The following CPLANE1 variants were observed in gnomAD, a reference collection of about 807,000 sequenced individuals.
The protein encoded by CPLANE1 is ciliogenesis and planar polarity effector 1.
A neutral mutation model predicts 362.5 loss-of-function variants in CPLANE1; 263 were observed. The ratio of observed to expected loss-of-function variants is 0.73; its 90% CI spans 0.66 to 0.80. The LOEUF is 0.80. Ranked by LOEUF, CPLANE1 falls within the 30% of genes least tolerant of loss-of-function variation. The probability of loss-of-function intolerance (pLI) is 0.00; values close to 1 mark genes in which losing one functional copy is unlikely to be tolerated. For synonymous variants in CPLANE1, 1,212 were observed against 1,302.6 expected, an observed-to-expected ratio of 0.93 and a Z score of 1.50; for missense variants, 3,461 against 3,793.4, an observed-to-expected ratio of 0.91 and a Z score of 2.30.
At chr5:37,157,564 T>C (rs1775483321) in intron 40 of CPLANE1, 106 bp downstream of exon 40, 6 of 1,140,756 alleles carry the variant, frequency 5.3e-6, no homozygotes, top group Non-Finnish European at 7.7e-6. Flanking sequence ...CATCCAAAAA[T>C]ACAGTGGGTT....
At chr5:37,137,246 C>G (rs1392242380) in intron 46 of CPLANE1, among the ~76,000 whole-genome samples, 2 of 152,198 alleles carry the variant, frequency 1.3e-5, no homozygotes, top group Non-Finnish European at 2.9e-5. Context: ...AGTCTCGTTG[C>G]TAAAACATAA....
chr5:37,203,772 C>T (rs959643188), intron 18 of CPLANE1, among the ~76,000 whole-genome samples: 1 of 152,178 alleles, frequency 6.6e-6, no homozygotes, highest in Non-Finnish European at 1.5e-5. Flanking sequence ...CTGGCCTTAG[C>T]CTCCCAAAGC....
At chr5:37,185,101 G>C in intron 24 of CPLANE1, 22 bp from the exon 25 acceptor site, 1 of 1,571,044 alleles carries the variant, frequency 6.4e-7, no homozygotes, top group Non-Finnish European at 8.6e-7. Context: ...AGAATAAAAA[G>C]TCTTAGTGTT....
Position 37,229,108 on chromosome 5 carries a change from T to C in CPLANE1, c.1122-1291A>G, listed in dbSNP as rs183947693. Among the ~76,000 whole-genome samples the C allele has an allele frequency of 1.6e-4, 24 of 150,462 alleles. 1 individual carries two copies. Among genetic ancestry groups the C allele is most frequent in the Admixed American group, 1.3e-3 (19 of 15,022 alleles). ...GGTGGCGCGCGCCTGCAATTCCAGC[T>C]ACTCAGGAGGCTGAGGCAGAATTTC... is the stretch of plus-strand genomic sequence containing the variant. On this transcript the variant is annotated intron_variant, in intron 9 of 52. Coordinates refer to ENST00000651892, the MANE Select transcript of CPLANE1 (RefSeq NM_001384732.1).
chr5:37,204,122 T>A (rs1025794027), intron 18 of CPLANE1, among the ~76,000 whole-genome samples: 6 of 152,218 alleles, frequency 3.9e-5, no homozygotes, highest in Admixed American at 3.9e-4. Flanking sequence ...GATATTTTAG[T>A]CCCTTCTTTA....
chr5:37,089,277 A>G, the CPLANE1 span, among the ~76,000 whole-genome samples: 1 of 152,200 alleles, frequency 6.6e-6, no homozygotes, highest in Non-Finnish European at 1.5e-5. Context: ...GCTATGATTC[A>G]GAAGGAAGAA....
Position 37,120,313 on chromosome 5 carries a change from T to C in CPLANE1, c.9213A>G (p.Leu3071=), listed in dbSNP as rs915084286. Residue 3071 remains leucine, a synonymous_variant, in exon 50 of 53, where the codon CTA becomes CTG. Coordinates refer to ENST00000651892, the MANE Select transcript of CPLANE1 (RefSeq NM_001384732.1). The part of the protein sequence containing the change: ...RGENQHGHSF[L]INRPGKVKYM... ...ATTTGACTTTTCCAGGTCGATTTAT[T>C]AGAAAACTGTGACCATGTTGATTCT... 6 of 1,590,818 alleles carry C rather than the reference T, an allele frequency of 3.8e-6. No homozygotes were observed. Among genetic ancestry groups the C allele is most frequent in the Non-Finnish European group, 5.1e-6 (6 of 1,172,310 alleles).
At chr5:37,186,669 C>A (rs958923362) in intron 23 of CPLANE1, among the ~76,000 whole-genome samples, 4 of 152,070 alleles carry the variant, frequency 2.6e-5, no homozygotes, top group African/African-American at 9.7e-5. Flanking sequence ...TGCTGATTTC[C>A]ATAGTCGAAT....
downstream of CPLANE1, among the ~76,000 whole-genome samples, chr5:37,105,167 G>T (rs1757498212): frequency 6.6e-6 from 1 of 152,086 alleles, no homozygotes; most frequent in Non-Finnish European, 1.5e-5. Context: ...AGGCATGGTG[G>T]TGCGCACCTG....
At chr5:37,208,406 G>A (rs1254515201) in intron 16 of CPLANE1, among the ~76,000 whole-genome samples, 1 of 152,202 alleles carries the variant, frequency 6.6e-6, no homozygotes, top group Admixed American at 6.5e-5. Context: ...GGCCGGGAGC[G>A]GTGGCTCACG....
At chr5:37,176,195 A>C in intron 30 of CPLANE1, 1 of 438,408 alleles carries the variant, frequency 2.3e-6, no homozygotes, top group Non-Finnish European at 4.0e-6. Context: ...TGGATGACTT[A>C]AAACACCACT....
intron 48 of CPLANE1, among the ~76,000 whole-genome samples, chr5:37,122,154 T>G (rs1468480080): frequency 1.3e-5 from 2 of 152,188 alleles, no homozygotes; most frequent in East Asian, 3.8e-4. Context: ...TTATGGTCTC[T>G]GGAGTATTTC....
At chr5:37,161,870 T>C (rs74683790) in intron 38 of CPLANE1, among the ~76,000 whole-genome samples, 2,430 of 152,276 alleles carry the variant, frequency 0.016, 24 homozygotes, top group Non-Finnish European at 0.026. Flanking sequence ...AAACATAAGA[T>C]AAAGTTAGGC....
intron 46 of CPLANE1, among the ~76,000 whole-genome samples, chr5:37,128,156 G>A (rs1764756360): frequency 6.6e-6 from 1 of 152,072 alleles, no homozygotes; most frequent in Non-Finnish European, 1.5e-5. Flanking sequence ...TTTGAGATTG[G>A]GTTATGAGAC....
At chr5:37,115,456 T>C (rs924706311) in intron 50 of CPLANE1, among the ~76,000 whole-genome samples, 2 of 152,182 alleles carry the variant, frequency 1.3e-5, no homozygotes, top group African/African-American at 4.8e-5. Flanking sequence ...TTTACTTCCA[T>C]GTTATGCAAT....
At chr5:37,146,850 T>C (rs1211982892) in intron 43 of CPLANE1, among the ~76,000 whole-genome samples, 1 of 152,110 alleles carries the variant, frequency 6.6e-6, no homozygotes, top group Non-Finnish European at 1.5e-5. Context: ...ATCAAAAAGA[T>C]ATACCAGAAC....
chr5:37,197,908 C>T (rs1788001363), intron 20 of CPLANE1, among the ~76,000 whole-genome samples: 1 of 152,102 alleles, frequency 6.6e-6, no homozygotes, highest in Non-Finnish European at 1.5e-5. Context: ...GGCAACCAAC[C>T]ACTAGTTACT....
At chr5:37,095,120 G>T in the CPLANE1 span, among the ~76,000 whole-genome samples, 1 of 151,938 alleles carries the variant, frequency 6.6e-6, no homozygotes, top group African/African-American at 2.4e-5. Flanking sequence ...ACCAAGAAAG[G>T]ACATAACCAA....
At chr5:37,198,500 G>A (rs1788211596) in intron 20 of CPLANE1, among the ~76,000 whole-genome samples, 1 of 151,988 alleles carries the variant, frequency 6.6e-6, no homozygotes, top group Non-Finnish European at 1.5e-5. Context: ...TGCTAGACAT[G>A]GTGGAACTAA....
Sources: allele counts gnomAD v4.1 joint callset (sites outside exome capture counted in the v4.1 genomes callset), GRCh38; gene constraint gnomAD v4.1.1; transcripts MANE v1.5; gene names NCBI Gene and HGNC (gene_info 2026-07-23, HGNC 2026-07-21).